Variants in CCDC146 observed in about 807,000 individuals in gnomAD.
The protein encoded by CCDC146 is coiled-coil domain containing 146.
Under a neutral mutation model 119.3 loss-of-function variants are expected in CCDC146, and 92 were observed. The observed-to-expected ratio is 0.77, with a 90% CI of 0.65 to 0.92. CCDC146 has a LOEUF of 0.92. Ranked by LOEUF, CCDC146 falls within the 40% of genes least tolerant of loss-of-function variation. CCDC146 has a pLI of 0.00. For missense variants in CCDC146, 1,000 were observed against 1,103.0 expected, an observed-to-expected ratio of 0.91 and a Z score of 1.32; for synonymous variants, 372 against 371.8, an observed-to-expected ratio of 1.00 and a Z score of -0.01.
At chr7:77,251,324 G>A (rs1793056599) in intron 4 of CCDC146, among the ~76,000 whole-genome samples, 1 of 152,056 alleles carries the variant, frequency 6.6e-6, no homozygotes, top group African/African-American at 2.4e-5. Flanking sequence ...GCCTGGCTGA[G>A]TATTTCTTTT....
intron 4 of CCDC146, among the ~76,000 whole-genome samples, chr7:77,252,135 C>A (rs747966565): frequency 5.9e-5 from 9 of 152,024 alleles, no homozygotes; most frequent in Non-Finnish European, 1.0e-4. Context: ...GGGAACAGAG[C>A]GAGACTCCAT....
chr7:77,294,936 A>T lies in CCDC146; in HGVS notation c.*70A>T. 1 of 1,246,184 alleles carries T rather than the reference A, an allele frequency of 8.0e-7. No individual in the cohort carries two copies. The highest frequency in any genetic ancestry group is 2.7e-4 in the Middle Eastern group (1 of 3,692). The allele number at this position is 1,246,184 out of a possible 1,614,324, so 77.2% of individuals were successfully genotyped here. ...GGCTTCCTTGTACCCACAGGTGAAA[A>T]ATGTGAGCATAATACTTCTAATATT... On this transcript the variant is annotated 3_prime_UTR_variant, in exon 19 of 19. Coordinates refer to ENST00000285871, the MANE Select transcript of CCDC146 (RefSeq NM_020879.3).
At chr7:77,229,119 G>A (rs991880497) in intron 2 of CCDC146, among the ~76,000 whole-genome samples, 1 of 152,204 alleles carries the variant, frequency 6.6e-6, no homozygotes, top group African/African-American at 2.4e-5. Flanking sequence ...TTGGCCACAT[G>A]TATGTCTTCT....
At chr7:77,145,580 C>G (rs75904887) in intron 1 of CCDC146, among the ~76,000 whole-genome samples, 39,475 of 151,838 alleles carry the variant, frequency 0.26, 5,352 homozygotes, top group African/African-American at 0.33. Context: ...CCTCTACACA[C>G]TGCTTTAAAT....
At chr7:77,126,151 C>CT (rs1790687246) in intron 1 of CCDC146, among the ~76,000 whole-genome samples, 2 of 152,218 alleles carry the variant, frequency 1.3e-5, no homozygotes, top group East Asian at 1.9e-4. Flanking sequence ...TTTGCTTAGA[C>CT]TTTTTATCAT....
chr7:77,242,188 A>G (rs1263042479), intron 4 of CCDC146, among the ~76,000 whole-genome samples: 9 of 152,202 alleles, frequency 5.9e-5, no homozygotes, highest in Admixed American at 5.2e-4. Context: ...ACCAGTTATT[A>G]GCATTCCCTT....
Position 77,279,093 on chromosome 7 carries a change from T to C in CCDC146, c.1686T>C (p.Ser562=), listed in dbSNP as rs747161411. The C allele has an allele frequency of 6.2e-7, 1 of 1,610,362 alleles. No individual in the cohort carries two copies. The highest frequency in any genetic ancestry group is 8.5e-7 in the Non-Finnish European group (1 of 1,178,634). ...ELEILRNSAV[S]QERKLQNSML... The stretch of plus-strand genomic sequence containing the variant: ...AAATTCTGAGAAATAGTGCCGTTAG[T>C]CAAGAAAGGTAAGTGTTATAATAAC... Residue 562 remains serine (S), a synonymous_variant, in exon 13 of 19, where the codon AGT becomes AGC. Coordinates refer to ENST00000285871, the MANE Select transcript of CCDC146 (RefSeq NM_020879.3).
intron 1 of CCDC146, among the ~76,000 whole-genome samples, chr7:77,138,082 G>A (rs764973028): frequency 7.9e-5 from 12 of 151,804 alleles, no homozygotes; most frequent in Non-Finnish European, 1.6e-4. Context: ...GTATGGTGGA[G>A]ATAGAGAGGA....
In CCDC146 at chr7:77,256,358, T is replaced by A; in HGVS notation, c.533T>A (p.Leu178Ter). The A allele has an allele frequency of 6.3e-7, 1 of 1,594,378 alleles. No individual in the cohort carries two copies. Among genetic ancestry groups the A allele is most frequent in the Non-Finnish European group, 8.5e-7 (1 of 1,173,896 alleles). Residue 178 changes from leucine to a stop codon, truncating the protein, a stop_gained, in exon 6 of 19, where the codon TTG (leucine) becomes TAG (stop). Transcript: ENST00000285871. LOFTEE classifies it high-confidence loss of function. ...PGEMEKKMKI[L>*]RESTEELRKE... is the part of the protein sequence containing the mutation. ...GAAATGGAGAAGAAGATGAAAATAT[T>A]GAGAGAAAGCACTGAAGAATTACGT...
chr7:77,290,036 T>A (rs1386081439), intron 17 of CCDC146, among the ~76,000 whole-genome samples: 1 of 151,322 alleles, frequency 6.6e-6, no homozygotes, highest in Non-Finnish European at 1.5e-5. Context: ...ATGTGGTACA[T>A]ATACACCATG....
intron 2 of CCDC146, among the ~76,000 whole-genome samples, chr7:77,233,853 A>C (rs73373647): frequency 6.6e-6 from 1 of 152,128 alleles, no homozygotes. Flanking sequence ...CAAAATGCCA[A>C]ATACAATCAT....
At chr7:77,150,913 G>A (rs1791100848) in intron 1 of CCDC146, among the ~76,000 whole-genome samples, 1 of 152,184 alleles carries the variant, frequency 6.6e-6, no homozygotes, top group South Asian at 2.1e-4. Flanking sequence ...CAATGTAGAT[G>A]AATCTCAAAA....
At chr7:77,128,173 G>A (rs1296243819) in intron 1 of CCDC146, among the ~76,000 whole-genome samples, 1 of 151,860 alleles carries the variant, frequency 6.6e-6, no homozygotes, top group African/African-American at 2.4e-5. Context: ...TCTGTTTCAT[G>A]GTGGTTTATT....
At chr7:77,262,341 C>A in intron 9 of CCDC146, 34 bp downstream of exon 9, 1 of 1,481,358 alleles carries the variant, frequency 6.8e-7, no homozygotes. Context: ...GATTTTTAAG[C>A]TCGGTGCTAA....
At chr7:77,270,887 A>G (rs1474822374) in intron 9 of CCDC146, among the ~76,000 whole-genome samples, 2 of 152,206 alleles carry the variant, frequency 1.3e-5, no homozygotes, top group South Asian at 2.1e-4. Flanking sequence ...AGCAAAAGAC[A>G]TAAATGATTG....
At chr7:77,251,411 G>A (rs1671766654) in intron 4 of CCDC146, among the ~76,000 whole-genome samples, 1 of 152,078 alleles carries the variant, frequency 6.6e-6, no homozygotes, top group South Asian at 2.1e-4. Context: ...AGCGTTCTTA[G>A]CCTATTAGTC....
intron 2 of CCDC146, among the ~76,000 whole-genome samples, chr7:77,173,869 A>T (rs967080933): frequency 6.6e-6 from 1 of 152,210 alleles, no homozygotes; most frequent in Admixed American, 6.5e-5. Flanking sequence ...TTAAGTGTAC[A>T]GATCAGGTTT....
intron 1 of CCDC146, among the ~76,000 whole-genome samples, chr7:77,161,650 G>T (rs1163269194): frequency 9.1e-6 from 1 of 109,314 alleles, no homozygotes; most frequent in Admixed American, 1.2e-4. Flanking sequence ...GGTGGGGGGA[G>T]GGGGGAGGGA....
intron 1 of CCDC146, among the ~76,000 whole-genome samples, chr7:77,133,459 T>C (rs1471184302): frequency 6.6e-6 from 1 of 152,044 alleles, no homozygotes; most frequent in African/African-American, 2.4e-5. Context: ...CAAGCAATTC[T>C]CCTGCCTCAT....
Sources: allele counts gnomAD v4.1 joint callset (sites outside exome capture counted in the v4.1 genomes callset), GRCh38; gene constraint gnomAD v4.1.1; transcripts MANE v1.5; gene names NCBI Gene and HGNC (gene_info 2026-07-23, HGNC 2026-07-21).